RFX3: variants seen among roughly 807,000 people sequenced by gnomAD.
RFX3 encodes regulatory factor X3.
In RFX3, 14 loss-of-function variants were observed where a neutral mutation model predicts 98.6. The ratio of observed to expected loss-of-function variants is 0.14; its 90% CI spans 0.09 to 0.22. RFX3 has a LOEUF of 0.22. Among genes scored for constraint, RFX3 ranks in the 10% least tolerant of loss-of-function variants. RFX3 has a pLI of 1.00. For synonymous variants in RFX3, 383 were observed against 328.4 expected (o/e 1.17, Z -1.80); for missense variants, 639 against 926.9 (o/e 0.69, Z 4.03).
At position 3,277,558 on chromosome 9, in the gene RFX3, T is replaced by G. The variant is rs763402176; in HGVS notation, c.852-97A>C. 9.0e-5 allele frequency: 91 copies of G among 1,006,912 alleles called. 2 individuals carry two copies. Among genetic ancestry groups the G allele is most frequent in the Admixed American group, 2.4e-4 (11 of 46,660 alleles). The allele number at this position is 1,006,912 out of a possible 1,614,324, so 62.4% of individuals were successfully genotyped here. A position where few individuals can be genotyped will look rare whatever the true frequency, so the allele number is the denominator to read the frequency against. ...CAAAGCATTCAGTTTTATTCTATCTTCTTTAACGTCTCATGATAGTTGTAG... is the reference window on the plus strand; with the variant it reads ...CAAAGCATTCAGTTTTATTCTATCTGCTTTAACGTCTCATGATAGTTGTAG... On this transcript the variant is annotated intron_variant, in intron 7 of 16. Transcript: ENST00000617270.
At chr9:3,234,021 T>C (rs1447243148) in intron 15 of RFX3, among the ~76,000 whole-genome samples, 1 of 152,240 alleles carries the variant, frequency 6.6e-6, no homozygotes, top group Non-Finnish European at 1.5e-5. Flanking sequence ...CCTGTTAGTA[T>C]ATCCAGATTA....
chr9:3,431,675 A>G (rs865969095), intron 1 of RFX3, among the ~76,000 whole-genome samples: 1 of 152,194 alleles, frequency 6.6e-6, no homozygotes, highest in African/African-American at 2.4e-5. Context: ...AGGAAGGTGA[A>G]TGATCTAAAG....
intron 15 of RFX3, among the ~76,000 whole-genome samples, chr9:3,237,415 T>A (rs989782222): frequency 2.0e-5 from 3 of 152,228 alleles, no homozygotes; most frequent in Admixed American, 6.5e-5. Context: ...TGTCTTTTTT[T>A]ATCTGTTTTA....
intron 1 of RFX3, among the ~76,000 whole-genome samples, chr9:3,449,263 T>C (rs1459034075): frequency 6.6e-6 from 1 of 152,068 alleles, no homozygotes; most frequent in African/African-American, 2.4e-5. Flanking sequence ...CAAGCATAGG[T>C]CTCAACATTT....
intron 1 of RFX3, among the ~76,000 whole-genome samples, chr9:3,506,680 G>A (rs1273059703): frequency 1.3e-5 from 2 of 151,740 alleles, no homozygotes; most frequent in East Asian, 3.9e-4. Context: ...ATAGATATAT[G>A]AGTCTAGAAT....
intron 2 of RFX3, among the ~76,000 whole-genome samples, chr9:3,389,065 A>C (rs1330910712): frequency 6.6e-6 from 1 of 152,158 alleles, no homozygotes; most frequent in Non-Finnish European, 1.5e-5. Context: ...CCTCAATGTT[A>C]GCAGTATTTG....
intron 15 of RFX3, chr9:3,247,692 G>A: frequency 4.0e-6 from 6 of 1,492,824 alleles, no homozygotes; most frequent in Non-Finnish European, 5.3e-6. Context: ...TGTATTCCCA[G>A]CCCTTTGCTT....
intron 2 of RFX3, among the ~76,000 whole-genome samples, chr9:3,356,019 A>G (rs1835704882): frequency 6.6e-6 from 1 of 151,820 alleles, no homozygotes; most frequent in Non-Finnish European, 1.5e-5. Context: ...CATAATTTTC[A>G]GAGTGCAGCC....
rs190338106 is a variant in RFX3 at position 3,480,876 on chromosome 9, A to G, written c.-9+44871T>C. ...TAAACTGCTATACAAATATAAGGAA[A>G]TATTATTTAGCTGACAGGATGGTAA... On this transcript the variant is annotated intron_variant, in intron 1 of 16. Coordinates refer to ENST00000617270, the MANE Select transcript of RFX3 (RefSeq NM_001282116.2). Among the ~76,000 whole-genome samples, 36 of 152,276 alleles carry G rather than the reference A, an allele frequency of 2.4e-4. No homozygotes were observed. In the East Asian group the frequency reaches 6.8e-3, roughly 29 times the overall value.
intron 13 of RFX3, among the ~76,000 whole-genome samples, chr9:3,260,232 GT>G (rs1179570071): frequency 1.3e-5 from 2 of 151,982 alleles, no homozygotes; most frequent in African/African-American, 4.8e-5. Flanking sequence ...AATCATATGG[GT>G]TTCAGGAGTA....
chr9:3,490,238 C>T lies in RFX3; in HGVS notation c.-9+35509G>A, dbSNP rs901738280. On this transcript the variant is annotated intron_variant, in intron 1 of 16. Coordinates refer to ENST00000617270, the MANE Select transcript of RFX3 (RefSeq NM_001282116.2). Reference sequence around the variant, plus strand: ...ATCTGAAAATACTCTGTATTATGTACACACAGTTCATTATTTATAAAGAAC... The same window carrying T: ...ATCTGAAAATACTCTGTATTATGTATACACAGTTCATTATTTATAAAGAAC... 11 of 677,482 alleles carry T rather than the reference C, an allele frequency of 1.6e-5. 1 individual carries two copies. The highest frequency in any genetic ancestry group is 1.3e-4 in the Admixed American group (2 of 15,866). The allele number at this position is 677,482 out of a possible 1,614,324, so 42.0% of individuals were successfully genotyped here. A position where few individuals can be genotyped will look rare whatever the true frequency, so the allele number is the denominator to read the frequency against.
chr9:3,375,178 T>C (rs999127713), intron 2 of RFX3, among the ~76,000 whole-genome samples: 4 of 152,340 alleles, frequency 2.6e-5, no homozygotes, highest in Admixed American at 6.5e-5. Context: ...ATTCTTCAGA[T>C]TGAAGATTAC....
At chr9:3,282,027 T>G (rs2131497854) in intron 7 of RFX3, among the ~76,000 whole-genome samples, 1 of 151,920 alleles carries the variant, frequency 6.6e-6, no homozygotes, top group East Asian at 1.9e-4. Context: ...TCATTATGTT[T>G]TGTAATTCCA....
chr9:3,480,636 T>C (rs1012446473), intron 1 of RFX3, among the ~76,000 whole-genome samples: 3 of 152,232 alleles, frequency 2.0e-5, no homozygotes, highest in African/African-American at 7.2e-5. Flanking sequence ...AGTCAGATTC[T>C]ATTCTCTGTT....
intron 5 of RFX3, among the ~76,000 whole-genome samples, chr9:3,295,496 C>G (rs1322543347): frequency 6.6e-6 from 1 of 151,454 alleles, no homozygotes; most frequent in Non-Finnish European, 1.5e-5. Flanking sequence ...ATATCAAGGA[C>G]TATAAAGAAG....
At chr9:3,410,621 A>G (rs1158185083) in intron 1 of RFX3, among the ~76,000 whole-genome samples, 1 of 152,210 alleles carries the variant, frequency 6.6e-6, no homozygotes, top group African/African-American at 2.4e-5. Flanking sequence ...GGTTTGTGTA[A>G]CAGCTTTTAC....
At chr9:3,413,773 T>C (rs1842658707) in intron 1 of RFX3, among the ~76,000 whole-genome samples, 1 of 152,118 alleles carries the variant, frequency 6.6e-6, no homozygotes, top group Non-Finnish European at 1.5e-5. Flanking sequence ...TTGACAACTC[T>C]TAGTAAGGCT....
At chr9:3,386,216 T>G (rs1839700707) in intron 2 of RFX3, among the ~76,000 whole-genome samples, 2 of 152,060 alleles carry the variant, frequency 1.3e-5, no homozygotes, top group Non-Finnish European at 2.9e-5. Flanking sequence ...AAAGAGAAAG[T>G]GGCCAAAAGC....
chr9:3,476,503 A>T (rs2133295275), intron 1 of RFX3, among the ~76,000 whole-genome samples: 1 of 152,302 alleles, frequency 6.6e-6, no homozygotes, highest in Admixed American at 6.5e-5. Context: ...AGCAATCACC[A>T]TTAAGATGAT....
Sources: allele counts gnomAD v4.1 joint callset (sites outside exome capture counted in the v4.1 genomes callset), GRCh38; gene constraint gnomAD v4.1.1; transcripts MANE v1.5; gene names NCBI Gene and HGNC (gene_info 2026-07-23, HGNC 2026-07-21).